Variants in ASH1L observed in about 807,000 individuals in gnomAD.
ASH1L encodes ASH1 like histone lysine methyltransferase, also known as histone-lysine N-methyltransferase ASH1L.
A neutral mutation model predicts 269.0 loss-of-function variants in ASH1L; 23 were observed. The ratio of observed to expected loss-of-function variants is 0.09; its 90% CI spans 0.06 to 0.12. The LOEUF (loss-of-function observed/expected upper bound fraction) is 0.12. Among genes scored for constraint, ASH1L ranks in the 10% least tolerant of loss-of-function variants. The pLI, the probability that ASH1L is intolerant of heterozygous loss-of-function variation, is 1.00. For missense variants in ASH1L, 2,912 were observed against 3,567.8 expected, an observed-to-expected ratio of 0.82 and a Z score of 4.68; for synonymous variants, 1,187 against 1,253.5, an observed-to-expected ratio of 0.95 and a Z score of 1.12.
At chr1:155,463,407 T>G (rs890065994) in intron 3 of ASH1L, among the ~76,000 whole-genome samples, 6 of 152,180 alleles carry the variant, frequency 3.9e-5, no homozygotes, top group Admixed American at 3.3e-4. Context: ...CAAAACGAGA[T>G]AATGTAATCC....
chr1:155,461,763 T>G (rs932520892), intron 3 of ASH1L, among the ~76,000 whole-genome samples: 1 of 151,200 alleles, frequency 6.6e-6, no homozygotes, highest in African/African-American at 2.4e-5. Context: ...TCACCATTCC[T>G]GATCATGGAT....
At chr1:155,433,355 G>A in intron 5 of ASH1L, 1 of 1,592,550 alleles carries the variant, frequency 6.3e-7, no homozygotes, top group Non-Finnish European at 8.5e-7. Flanking sequence ...TGAGGTGTGG[G>A]GGATTCCCCC....
intron 4 of ASH1L, among the ~76,000 whole-genome samples, chr1:155,448,943 T>TG (rs111746540): frequency 0.041 from 5,956 of 145,558 alleles, 367 homozygotes; most frequent in African/African-American, 0.14. Context: ...TGTGTGTGTG[T>TG]TTTTTTTTTT....
chr1:155,444,089 T>C (rs1194439534), intron 4 of ASH1L, among the ~76,000 whole-genome samples: 1 of 150,592 alleles, frequency 6.6e-6, no homozygotes, highest in East Asian at 1.9e-4. Context: ...GTTCAAGTGA[T>C]TCTCCTGCCT....
chr1:155,428,983 T>C (rs1661396698), intron 5 of ASH1L, among the ~76,000 whole-genome samples: 2 of 151,948 alleles, frequency 1.3e-5, no homozygotes, highest in Admixed American at 1.3e-4. Context: ...TGGGTTAGGG[T>C]CTCCCCGACC....
chr1:155,365,372 A>ATTTTTTT (rs142145021), intron 12 of ASH1L, among the ~76,000 whole-genome samples: 4 of 124,234 alleles, frequency 3.2e-5, no homozygotes, highest in African/African-American at 6.4e-5. Context: ...TGCCCGGCTG[A>ATTTTTTT]TTTTTTTTTT....
intron 12 of ASH1L, among the ~76,000 whole-genome samples, chr1:155,367,137 G>A (rs548439881): frequency 3.6e-4 from 55 of 152,042 alleles, no homozygotes; most frequent in South Asian, 8.3e-4. Context: ...GGGACTACAG[G>A]TGCATGCCAC....
intron 5 of ASH1L, chr1:155,433,676 G>A (rs969284909): frequency 1.2e-5 from 19 of 1,600,790 alleles, no homozygotes; most frequent in South Asian, 5.6e-5. Context: ...TACACAGGCC[G>A]ATGTGGGGCT....
Position 155,339,250 on chromosome 1 carries a change from G to T in ASH1L, c.8501+78C>A, listed in dbSNP as rs1322259639. The T allele has an allele frequency of 3.9e-6, 5 of 1,289,072 alleles. 1 individual carries two copies. Among genetic ancestry groups the T allele is most frequent in the Middle Eastern group, 1.8e-4 (1 of 5,458 alleles). 79.9% of individuals were successfully genotyped at this position (1,289,072 alleles called of 1,614,324 possible). ...CCAGTCCTAGAAGTGGAGCTGAGTG[G>T]GTAGTTGTTTGTTTTCTTGATCCAT... On this transcript the variant is annotated intron_variant, in intron 26 of 27. Transcript: ENST00000392403.
intron 1 of ASH1L, among the ~76,000 whole-genome samples, chr1:155,542,606 C>T (rs1670500475): frequency 6.6e-6 from 1 of 151,756 alleles, no homozygotes; most frequent in South Asian, 2.1e-4. Flanking sequence ...AACTGAAGGC[C>T]ACTGAACATG....
chr1:155,354,335 C>T (rs1172040033), intron 16 of ASH1L, 138 bp downstream of exon 16: 1 of 700,886 alleles, frequency 1.4e-6, no homozygotes, highest in African/African-American at 1.8e-5. Flanking sequence ...CCCAGCTACT[C>T]AGGAGGCTGA....
chr1:155,489,541 C>A (rs1666599781), intron 2 of ASH1L, among the ~76,000 whole-genome samples: 2 of 150,918 alleles, frequency 1.3e-5, no homozygotes, highest in Admixed American at 6.6e-5. Context: ...GAGGCCAAGG[C>A]AGGTGGATCA....
chr1:155,353,425 AATCT>A (rs1301634595), intron 16 of ASH1L, among the ~76,000 whole-genome samples: 5 of 152,178 alleles, frequency 3.3e-5, no homozygotes, highest in African/African-American at 1.2e-4. Flanking sequence ...CAAATTTTTA[AATCT>A]ATCTAGTTAG....
chr1:155,424,119 A>G (rs1419000096), intron 5 of ASH1L, among the ~76,000 whole-genome samples: 2 of 152,174 alleles, frequency 1.3e-5, no homozygotes, highest in Non-Finnish European at 2.9e-5. Context: ...TAATGCCATG[A>G]CTTTTCTCTT....
At chr1:155,434,222 T>A in intron 5 of ASH1L, 1 of 1,599,796 alleles carries the variant, frequency 6.3e-7, no homozygotes, top group Non-Finnish European at 8.5e-7. Context: ...CTTTCCCCCG[T>A]CTCCGTCACC....
chr1:155,376,230 A>G (rs1656428859), intron 10 of ASH1L, among the ~76,000 whole-genome samples: 1 of 152,220 alleles, frequency 6.6e-6, no homozygotes, highest in African/African-American at 2.4e-5. Flanking sequence ...ATAAAATGAT[A>G]AGGTGTGAAT....
At chr1:155,445,120 C>A (rs1011780598) in intron 4 of ASH1L, among the ~76,000 whole-genome samples, 4 of 152,066 alleles carry the variant, frequency 2.6e-5, no homozygotes, top group African/African-American at 9.7e-5. Flanking sequence ...ATAAGGATAT[C>A]CAGTAGTTAC....
chr1:155,367,960 G>A (rs1410216857), intron 12 of ASH1L, among the ~76,000 whole-genome samples: 1 of 151,978 alleles, frequency 6.6e-6, no homozygotes, highest in Non-Finnish European at 1.5e-5. Flanking sequence ...TAGTTTTATA[G>A]AAGCAAAGAG....
chr1:155,393,322 A>G (rs1413793864), intron 7 of ASH1L, among the ~76,000 whole-genome samples: 5 of 152,158 alleles, frequency 3.3e-5, no homozygotes, highest in Non-Finnish European at 7.4e-5. Flanking sequence ...TCTCAGGGAG[A>G]AAAGGAGATT....
Sources: gnomAD v4.1 joint callset for allele counts (sites outside exome capture counted in the v4.1 genomes callset) on GRCh38, gnomAD v4.1.1 for gene constraint, MANE v1.5 for transcripts, NCBI Gene and HGNC (gene_info 2026-07-23, HGNC 2026-07-21) for gene names.